LMCD1: variants seen among roughly 807,000 people sequenced by gnomAD.
LMCD1 encodes LIM and cysteine rich domains 1.
In LMCD1, 32 loss-of-function variants were observed where a neutral mutation model predicts 42.7. That is an observed-to-expected ratio of 0.75 (90% CI 0.57 to 1.01). The LOEUF is 1.01. Among genes scored for constraint, LMCD1 ranks in the 50% least tolerant of loss-of-function variants. LMCD1 has a pLI of 0.00. For synonymous variants in LMCD1, 178 were observed against 184.9 expected, an observed-to-expected ratio of 0.96 and a Z score of 0.30; for missense variants, 458 against 483.1, an observed-to-expected ratio of 0.95 and a Z score of 0.49.
chr3:8,531,989 C>T (rs1229951220), intron 1 of LMCD1, among the ~76,000 whole-genome samples: 1 of 152,122 alleles, frequency 6.6e-6, no homozygotes, highest in Non-Finnish European at 1.5e-5. Context: ...TGCAGATCTC[C>T]TGGGAATTTT....
intron 4 of LMCD1, among the ~76,000 whole-genome samples, chr3:8,561,866 A>G (rs1452443545): frequency 7.7e-6 from 1 of 130,594 alleles, no homozygotes; most frequent in African/African-American, 3.3e-5. Flanking sequence ...TGTCGTTTCC[A>G]TCATCATCGG....
intron 4 of LMCD1, among the ~76,000 whole-genome samples, chr3:8,555,193 C>T (rs114277961): frequency 0.011 from 1,646 of 152,256 alleles, 39 homozygotes; most frequent in African/African-American, 0.036. Context: ...CCCTCCCCCC[C>T]GCCAAAGGTC....
rs1695181383 is a variant in LMCD1 at position 8,569,552 on chromosome 3, C to T, written c.*1954C>T. The T allele has an allele frequency of 6.6e-6, 1 of 152,170 alleles. No homozygotes were observed. Among genetic ancestry groups the T allele is most frequent in the Non-Finnish European group, 1.5e-5 (1 of 68,048 alleles). 9.4% of individuals were successfully genotyped at this position (152,170 alleles called of 1,614,324 possible). ...TACGGTCTGTGGGGGAGATGGGCCT[C>T]AAGCAAATATTCTCACAAGTCAATG... On this transcript the variant is annotated 3_prime_UTR_variant, in exon 6 of 6. Transcript: ENST00000157600.
chr3:8,532,882 G>C (rs1040786591), intron 2 of LMCD1, 57 bp downstream of exon 2: 1 of 1,403,090 alleles, frequency 7.1e-7, no homozygotes, highest in Admixed American at 1.7e-5. Flanking sequence ...CTGTCCTCTC[G>C]GGGAACCCTG....
intron 2 of LMCD1, among the ~76,000 whole-genome samples, chr3:8,534,158 C>T (rs894026233): frequency 2.6e-5 from 4 of 151,852 alleles, no homozygotes; most frequent in African/African-American, 4.8e-5. Flanking sequence ...ACAGCTAGGA[C>T]GTCTCCTTTT....
chr3:8,537,745 G>C (rs1694539955), intron 3 of LMCD1, among the ~76,000 whole-genome samples: 1 of 152,158 alleles, frequency 6.6e-6, no homozygotes, highest in Admixed American at 6.5e-5. Context: ...ACAGGAGATA[G>C]TTTATCACTC....
intron 4 of LMCD1, chr3:8,550,125 A>G: frequency 7.2e-7 from 1 of 1,387,692 alleles, no homozygotes; most frequent in South Asian, 1.5e-5. Context: ...AGAAAGGAGA[A>G]GCCAGAGTTG....
chr3:8,516,429 TG>T lies in LMCD1; in HGVS notation c.42+14451del, dbSNP rs201515926. The stretch of plus-strand genomic sequence containing the variant: ...GGCCAGTGGAAAAGTTCCATCTGCC[TG>T]GATTTTAAGACTTTTGCCTTTCCTC... On this transcript the variant is annotated intron_variant, in intron 1 of 5. Transcript: ENST00000157600. Among the ~76,000 whole-genome samples the T allele has an allele frequency of 6.2e-3, 939 of 152,338 alleles. 36 individuals are homozygous for T. Among genetic ancestry groups the T allele is most frequent in the Admixed American group, 0.056 (854 of 15,300 alleles).
At chr3:8,513,204 A>G (rs1427115826) in intron 1 of LMCD1, among the ~76,000 whole-genome samples, 5 of 152,194 alleles carry the variant, frequency 3.3e-5, no homozygotes, top group Non-Finnish European at 1.5e-5. Flanking sequence ...TCCCAGTCCC[A>G]GTTAACCTAC....
chr3:8,509,922 A>G (rs1021367911), intron 1 of LMCD1, among the ~76,000 whole-genome samples: 2 of 152,248 alleles, frequency 1.3e-5, no homozygotes, highest in African/African-American at 4.8e-5. Context: ...ACCAGCAGCC[A>G]GTGGTCCCTC....
Position 8,567,464 on chromosome 3 carries a change from C to T in LMCD1, c.964C>T (p.Arg322Cys), listed in dbSNP as rs375994187. 2.4e-5 allele frequency: 38 copies of T among 1,613,888 alleles called. No homozygotes were observed. Among genetic ancestry groups the T allele is most frequent in the Admixed American group, 8.3e-5 (5 of 59,990 alleles). Residue 322 changes from arginine to cysteine, a missense_variant, in exon 6 of 6, where the codon CGT becomes TGT. Coordinates refer to ENST00000157600, the MANE Select transcript of LMCD1 (RefSeq NM_014583.4). Reference sequence around the variant, plus strand: ...GATAATATTCGCTGAGGACTACCAGCGTGTGGAAGATCTGGCCTGGCACCG... The same window carrying T: ...GATAATATTCGCTGAGGACTACCAGTGTGTGGAAGATCTGGCCTGGCACCG... Reference protein sequence around the residue: ...DEIIFAEDYQRVEDLAWHRKH... With the variant: ...DEIIFAEDYQCVEDLAWHRKH...
intron 1 of LMCD1, 64 bp from the exon 2 acceptor site, chr3:8,532,673 G>A (rs1034385417): frequency 2.7e-5 from 39 of 1,418,278 alleles, no homozygotes; most frequent in Non-Finnish European, 3.3e-5. Context: ...GTCTTTTAGA[G>A]GTCAAGCATC....
intron 3 of LMCD1, among the ~76,000 whole-genome samples, chr3:8,543,436 T>G (rs62242268): frequency 3.7e-5 from 5 of 136,770 alleles, no homozygotes; most frequent in Non-Finnish European, 3.2e-5. Flanking sequence ...GATAGATAGA[T>G]AGATAGACAG....
At chr3:8,550,989 T>G (rs959824794) in intron 4 of LMCD1, 1 of 985,222 alleles carries the variant, frequency 1.0e-6, no homozygotes, top group South Asian at 4.7e-5. Flanking sequence ...TAGGAAATGA[T>G]TGTGAACTTG....
Position 8,537,384 on chromosome 3 carries a change from C to A in LMCD1, c.331C>A (p.Pro111Thr), listed in dbSNP as rs1694530989. ...MTNPIATGKDPTFDTITYEWA... is the reference protein window; with the variant it reads ...MTNPIATGKDTTFDTITYEWA... ...CAACCCTATTGCTACTGGGAAAGAT[C>A]CCACTTTTGACACCATCACCTACGA... Residue 111 changes from proline (P) to threonine (T), a missense_variant, in exon 3 of 6, where the codon CCC (proline) becomes ACC (threonine). Transcript: ENST00000157600. 1 of 1,610,924 alleles carries A rather than the reference C, an allele frequency of 6.2e-7. No individual in the cohort carries two copies. The highest frequency in any genetic ancestry group is 1.1e-5 in the South Asian group (1 of 90,938).
chr3:8,528,448 A>G (rs181610600), intron 1 of LMCD1, among the ~76,000 whole-genome samples: 96 of 152,230 alleles, frequency 6.3e-4, no homozygotes, highest in Admixed American at 1.9e-3. Flanking sequence ...CCCCTGCCTC[A>G]GCCTCCCAGA....
At chr3:8,524,054 C>A (rs1030607002) in intron 1 of LMCD1, among the ~76,000 whole-genome samples, 1 of 152,124 alleles carries the variant, frequency 6.6e-6, no homozygotes, top group Non-Finnish European at 1.5e-5. Flanking sequence ...GAAGTCCAGA[C>A]CCTTGTCAAG....
rs1247165028 is a variant in LMCD1, at chr3:8,548,682, C to T, written c.502C>T (p.Pro168Ser). 6.2e-7 allele frequency: 1 copy of T among 1,614,194 alleles called. No homozygotes were observed. Among genetic ancestry groups the T allele is most frequent in the South Asian group, 1.1e-5 (1 of 91,086 alleles). Residue 168 changes from proline to serine, a missense_variant, in exon 4 of 6, where the codon CCC becomes TCC. Physicochemically the swap from Pro to Ser is moderately conservative, Grantham distance 74 (BLOSUM62 -1). Transcript: ENST00000157600. ...MHQLPIYDQD[P>S]SRCRGLLENE... ...CCAGCTCCCCATCTATGACCAGGAT[C>T]CCTCGCGCTGCCGTGGACTTTTGGA...
rs1018050925 is a variant in LMCD1, at chr3:8,567,980, T to G, written c.*382T>G. The G allele has an allele frequency of 1.3e-5, 2 of 156,268 alleles. No homozygotes were observed. Among genetic ancestry groups the G allele is most frequent in the African/African-American group, 4.8e-5 (2 of 41,622 alleles). 9.7% of individuals were successfully genotyped at this position (156,268 alleles called of 1,614,324 possible). A position where few individuals can be genotyped will look rare whatever the true frequency, so the allele number is the denominator to read the frequency against. On this transcript the variant is annotated 3_prime_UTR_variant, in exon 6 of 6. Transcript: ENST00000157600. ...ATAGCTGTAGAATGTGCGTGCTTTT[T>G]TGTGGACACAGGAGCTCCTCCAGGA...
Sources: allele counts gnomAD v4.1 joint callset (sites outside exome capture counted in the v4.1 genomes callset), GRCh38; gene constraint gnomAD v4.1.1; transcripts MANE v1.5; gene names NCBI Gene and HGNC (gene_info 2026-07-23, HGNC 2026-07-21).